MAGI2: variants seen among roughly 807,000 people sequenced by gnomAD.
MAGI2 encodes membrane associated guanylate kinase, WW and PDZ domain containing 2.
A neutral mutation model predicts 133.3 loss-of-function variants in MAGI2; 35 were observed. The observed-to-expected ratio is 0.26, with a 90% confidence interval of 0.20 to 0.35. MAGI2 has a LOEUF of 0.35. Ranked by LOEUF, MAGI2 falls within the 10% of genes least tolerant of loss-of-function variation. MAGI2 has a pLI of 1.00. For synonymous variants in MAGI2, 729 were observed against 710.6 expected (o/e 1.03, Z -0.41); for missense variants, 1,636 against 1,863.4 (o/e 0.88, Z 2.25).
intron 1 of MAGI2, among the ~76,000 whole-genome samples, chr7:79,169,929 C>G (rs943712480): frequency 3.3e-5 from 5 of 151,758 alleles, no homozygotes; most frequent in African/African-American, 1.2e-4. Flanking sequence ...AAATACTCAT[C>G]AATTGTCTCT....
rs150718644 is a variant in MAGI2, at chr7:78,635,817, T to C, written c.419-8578A>G. Among the ~76,000 whole-genome samples, 33 of 152,354 alleles carry C rather than the reference T, an allele frequency of 2.2e-4. No individual in the cohort carries two copies. The East Asian group carries it at 6.2e-3, about 28-fold the overall frequency. On this transcript the variant is annotated intron_variant, in intron 2 of 21. Transcript: ENST00000354212. ...TTTGTGTATGCTGCCAATAAAAACATACATCCGATAGATTCCTTTGGCCAA... is the reference window on the plus strand; with the variant it reads ...TTTGTGTATGCTGCCAATAAAAACACACATCCGATAGATTCCTTTGGCCAA...
intron 5 of MAGI2, 134 bp downstream of exon 5, chr7:78,501,443 T>A: frequency 1.3e-6 from 1 of 744,724 alleles, no homozygotes; most frequent in Non-Finnish European, 2.2e-6. Context: ...CACTATTCTC[T>A]CACAAATAAA....
intron 2 of MAGI2, among the ~76,000 whole-genome samples, chr7:78,852,484 C>T (rs1488875638): frequency 6.6e-6 from 1 of 151,980 alleles, no homozygotes; most frequent in Non-Finnish European, 1.5e-5. Context: ...ACCTTCTATG[C>T]ATTCTAAAAA....
At chr7:78,910,843 A>G (rs1053205455) in intron 2 of MAGI2, among the ~76,000 whole-genome samples, 1 of 152,212 alleles carries the variant, frequency 6.6e-6, no homozygotes, top group Non-Finnish European at 1.5e-5. Context: ...TGAATGTCTT[A>G]TTAGGAAAGG....
rs1458304892 is a variant in MAGI2 at position 78,258,496 on chromosome 7, T to TC, written c.1409-1916dup. ...TTGAATCCCCCTTGGCTAGCACCTCTCCCCCAACTTGCACTCCTTTACAGC... is the reference window on the plus strand; with the variant it reads ...TTGAATCCCCCTTGGCTAGCACCTCTCCCCCCAACTTGCACTCCTTTACAGC... On this transcript the variant is annotated intron_variant, in intron 9 of 21. Transcript: ENST00000354212. Among the ~76,000 whole-genome samples, 3 of 152,206 alleles carry TC rather than the reference T, an allele frequency of 2.0e-5. No individual in the cohort carries two copies. The East Asian group carries it at 5.8e-4, about 29-fold the overall frequency.
intron 9 of MAGI2, among the ~76,000 whole-genome samples, chr7:78,303,575 C>G (rs1459830984): frequency 6.6e-6 from 1 of 152,062 alleles, no homozygotes; most frequent in Non-Finnish European, 1.5e-5. Flanking sequence ...CAAATCTAAT[C>G]ACTTGTAAAG....
In MAGI2 at chr7:78,778,453, G is replaced by T. The variant is rs182587483; in HGVS notation, c.419-151214C>A. Reference sequence around the variant, plus strand: ...CTAAAGTAGGGCTACTTTTTGTCTTGGTGACTGGATGGTTTGTATAATCTT... The same window carrying T: ...CTAAAGTAGGGCTACTTTTTGTCTTTGTGACTGGATGGTTTGTATAATCTT... On this transcript the variant is annotated intron_variant, in intron 2 of 21. Coordinates refer to ENST00000354212, the MANE Select transcript of MAGI2 (RefSeq NM_012301.4). 2.6e-5 allele frequency among the ~76,000 whole-genome samples: 4 copies of T among 152,112 alleles called. No homozygotes were observed. The East Asian group carries it at 7.7e-4, about 29-fold the overall frequency.
intron 6 of MAGI2, among the ~76,000 whole-genome samples, chr7:78,433,922 T>C (rs1322814785): frequency 2.0e-5 from 3 of 152,144 alleles, no homozygotes; most frequent in African/African-American, 7.2e-5. Flanking sequence ...AGCTAATCAT[T>C]GAATGAATGA....
intron 2 of MAGI2, among the ~76,000 whole-genome samples, chr7:78,996,302 G>T (rs906477145): frequency 3.9e-5 from 6 of 152,098 alleles, no homozygotes; most frequent in African/African-American, 1.4e-4. Context: ...TTAACTTTGT[G>T]GTCTAAACTG....
intron 6 of MAGI2, among the ~76,000 whole-genome samples, chr7:78,410,572 C>T (rs536361707): frequency 3.3e-5 from 5 of 152,102 alleles, no homozygotes; most frequent in East Asian, 1.9e-4. Flanking sequence ...ATTTGATTTC[C>T]ACCACCTGCC....
At chr7:78,364,664 G>C (rs1793192205) in intron 7 of MAGI2, among the ~76,000 whole-genome samples, 1 of 152,162 alleles carries the variant, frequency 6.6e-6, no homozygotes, top group Non-Finnish European at 1.5e-5. Context: ...AGCTGTCCCA[G>C]CAAATCGTGT....
chr7:78,427,076 G>A (rs920910353), intron 6 of MAGI2, among the ~76,000 whole-genome samples: 1 of 152,024 alleles, frequency 6.6e-6, no homozygotes, highest in South Asian at 2.1e-4. Context: ...GAAGTATATT[G>A]TAATCTTTAG....
At chr7:79,224,897 T>C (rs1830716039) in intron 1 of MAGI2, among the ~76,000 whole-genome samples, 1 of 152,220 alleles carries the variant, frequency 6.6e-6, no homozygotes, top group Non-Finnish European at 1.5e-5. Flanking sequence ...GATAGTTACA[T>C]GACTATATGC....
chr7:78,816,286 A>C (rs1789584914), intron 2 of MAGI2, among the ~76,000 whole-genome samples: 1 of 152,236 alleles, frequency 6.6e-6, no homozygotes, highest in Non-Finnish European at 1.5e-5. Context: ...ATGAGATTTA[A>C]GAAAAGAAGC....
chr7:79,117,633 A>G (rs955429736), intron 1 of MAGI2, among the ~76,000 whole-genome samples: 18 of 152,318 alleles, frequency 1.2e-4, no homozygotes, highest in African/African-American at 4.3e-4. Flanking sequence ...TTCAGCTTTT[A>G]TCTGTATGCA....
At chr7:78,826,565 G>A (rs1280366770) in intron 2 of MAGI2, among the ~76,000 whole-genome samples, 1 of 152,034 alleles carries the variant, frequency 6.6e-6, no homozygotes, top group Non-Finnish European at 1.5e-5. Context: ...ACTATTACGC[G>A]TGATGGTGTA....
At chr7:78,431,942 A>T (rs542000472) in intron 6 of MAGI2, among the ~76,000 whole-genome samples, 1 of 152,070 alleles carries the variant, frequency 6.6e-6, no homozygotes, top group Non-Finnish European at 1.5e-5. Context: ...TAGTTAAGTG[A>T]ACTTTCATAT....
At chr7:78,153,441 A>G (rs969923265) in intron 16 of MAGI2, among the ~76,000 whole-genome samples, 11 of 152,288 alleles carry the variant, frequency 7.2e-5, no homozygotes, top group South Asian at 2.1e-4. Context: ...CATTCGTTTT[A>G]TCTCAGCTTG....
Position 78,343,943 on chromosome 7 carries a change from G to C in MAGI2, c.1243C>G (p.Arg415Gly). Residue 415 changes from arginine to glycine, a missense_variant, in exon 9 of 22, where the codon CGG (arginine) becomes GGG (glycine). Arg to Gly is a moderately radical substitution (Grantham distance 125). Transcript: ENST00000354212. ...GTTCCCTTCAACTGGGATGCATCCCGGGTGAAGAGTGGTTTTTCTACATTG... is the reference window on the plus strand; with the variant it reads ...GTTCCCTTCAACTGGGATGCATCCCCGGTGAAGAGTGGTTTTTCTACATTG... ...PGFREKPLFT[R>G]DASQLKGTFL... The C allele has an allele frequency of 3.7e-6, 6 of 1,608,144 alleles. No homozygotes were observed. Among genetic ancestry groups the C allele is most frequent in the Non-Finnish European group, 5.1e-6 (6 of 1,178,242 alleles).
Sources: allele counts gnomAD v4.1 joint callset (sites outside exome capture counted in the v4.1 genomes callset), GRCh38; gene constraint gnomAD v4.1.1; transcripts MANE v1.5; gene names NCBI Gene and HGNC (gene_info 2026-07-23, HGNC 2026-07-21).